The following RHOBTB3 variants were observed in gnomAD, a reference collection of about 807,000 sequenced individuals.
RHOBTB3 encodes rho-related BTB domain-containing protein 3.
RHOBTB3 carries 47 observed loss-of-function variants against 67.2 expected under a neutral mutation model. The ratio of observed to expected loss-of-function variants is 0.70; its 90% CI spans 0.55 to 0.89. The LOEUF (loss-of-function observed/expected upper bound fraction) is 0.89, where lower values mean the gene tolerates loss of function less well. Among genes scored for constraint, RHOBTB3 ranks in the 40% least tolerant of loss-of-function variants. RHOBTB3 has a pLI of 0.00. For missense variants in RHOBTB3, 631 were observed against 750.0 expected, an observed-to-expected ratio of 0.84 and a Z score of 1.85; for synonymous variants, 273 against 274.2, an observed-to-expected ratio of 1.00 and a Z score of 0.04.
chr5:95,755,887 A>G (rs1379331695), intron 6 of RHOBTB3, 126 bp downstream of exon 6: 3 of 863,350 alleles, frequency 3.5e-6, no homozygotes, highest in Non-Finnish European at 5.3e-6. Context: ...GATTAAGATT[A>G]TACATGAAAT....
chr5:95,723,798 T>C (rs1754968000), intron 1 of RHOBTB3, among the ~76,000 whole-genome samples: 2 of 152,144 alleles, frequency 1.3e-5, no homozygotes. Context: ...AGTCCCAGCT[T>C]CACTGTGCTG....
intron 3 of RHOBTB3, among the ~76,000 whole-genome samples, chr5:95,746,531 TAGAAAA>T (rs1354645619): frequency 6.6e-6 from 1 of 152,172 alleles, no homozygotes; most frequent in Non-Finnish European, 1.5e-5. Flanking sequence ...AAAATGATCT[TAGAAAA>T]AGTAAAAGTA....
intron 4 of RHOBTB3, among the ~76,000 whole-genome samples, chr5:95,748,971 T>C (rs1048316638): frequency 6.6e-6 from 1 of 152,212 alleles, no homozygotes; most frequent in African/African-American, 2.4e-5. Flanking sequence ...GAACTACTTA[T>C]ATAAATAGCT....
Position 95,793,359 on chromosome 5 carries a change from A to G in RHOBTB3, c.*185A>G, listed in dbSNP as rs754880480. 1 of 453,988 alleles carries G rather than the reference A, an allele frequency of 2.2e-6. No individual in the cohort carries two copies. The highest frequency in any genetic ancestry group is 3.9e-6 in the Non-Finnish European group (1 of 257,180). 28.1% of individuals were successfully genotyped at this position (453,988 alleles called of 1,614,324 possible). On this transcript the variant is annotated 3_prime_UTR_variant, in exon 12 of 12. Coordinates refer to ENST00000379982, the MANE Select transcript of RHOBTB3 (RefSeq NM_014899.4). ...CTGTGGTCTTAAAAGGGAACAAAAT[A>G]TACCATAGGCTAAAACTAAGGCTTT...
chr5:95,735,438 C>A (rs1466310965), intron 2 of RHOBTB3, among the ~76,000 whole-genome samples: 1 of 152,136 alleles, frequency 6.6e-6, no homozygotes, highest in Admixed American at 6.5e-5. Context: ...AAGAAGCTCT[C>A]TCTTCAGAAG....
At position 95,794,149 on chromosome 5, in the gene RHOBTB3, ATGTGT is replaced by A. The variant is rs1746502484; in HGVS notation, c.*984_*988del. 4.8e-6 allele frequency: 2 copies of A among 419,212 alleles called. No individual in the cohort carries two copies. Among genetic ancestry groups the A allele is most frequent in the Non-Finnish European group, 9.4e-6 (2 of 213,446 alleles). 26.0% of individuals were successfully genotyped at this position (419,212 alleles called of 1,614,324 possible). On this transcript the variant is annotated 3_prime_UTR_variant, in exon 12 of 12. Transcript: ENST00000379982. ...TGCCACCTTGGCTGGCAAGGGAGAA[ATGTGT>A]TGTGTTGTCTTAGCTTTAAAACAGT...
At chr5:95,731,765 T>G (rs79910711) in intron 1 of RHOBTB3, 81 bp downstream of exon 1, 2 of 1,606,396 alleles carry the variant, frequency 1.2e-6, no homozygotes, top group East Asian at 4.5e-5. Context: ...GTGCCCATCC[T>G]CGCCGCGCGC....
chr5:95,731,668 CTTG>C lies in RHOBTB3; in HGVS notation c.-14_-12del, dbSNP rs1561436777. On this transcript the variant is annotated 5_prime_UTR_variant, in exon 1 of 12. Transcript: ENST00000379982. ...CTTTTCTCCGAGTCGCCGCCCTGCC[CTTG>C]GATTTGAGATCATGTACGTACGCGC... The C allele has an allele frequency of 2.5e-6, 4 of 1,613,354 alleles. No individual in the cohort carries two copies. Among genetic ancestry groups the C allele is most frequent in the Non-Finnish European group, 3.4e-6 (4 of 1,179,766 alleles).
chr5:95,790,147 C>T (rs1021956754), intron 11 of RHOBTB3, among the ~76,000 whole-genome samples: 11 of 152,156 alleles, frequency 7.2e-5, no homozygotes, highest in African/African-American at 2.7e-4. Flanking sequence ...ACTATTAGTA[C>T]AGTAGAGAAG....
At chr5:95,751,221 A>G (rs1158009782) in intron 4 of RHOBTB3, 1 of 152,206 alleles carries the variant, frequency 6.6e-6, no homozygotes, top group Non-Finnish European at 1.5e-5. Context: ...GAACATCTGT[A>G]GACATAGAGG....
intron 3 of RHOBTB3, among the ~76,000 whole-genome samples, chr5:95,747,663 C>T (rs183983229): frequency 6.5e-4 from 99 of 152,316 alleles, no homozygotes; most frequent in Non-Finnish European, 1.2e-3. Flanking sequence ...TTGGGACTTT[C>T]ACTTTTTGAG....
At chr5:95,775,910 T>A (rs1310270276) in intron 8 of RHOBTB3, among the ~76,000 whole-genome samples, 1 of 152,154 alleles carries the variant, frequency 6.6e-6, no homozygotes, top group Non-Finnish European at 1.5e-5. Flanking sequence ...AATTATAAAC[T>A]TTTTTTAAGT....
chr5:95,743,768 T>C (rs1237419281), intron 3 of RHOBTB3, among the ~76,000 whole-genome samples: 2 of 141,326 alleles, frequency 1.4e-5, no homozygotes, highest in Middle Eastern at 4.1e-3. Flanking sequence ...TGGAGTGCAG[T>C]GGCACAGTCT....
At chr5:95,777,852 C>T (rs912493814) in intron 8 of RHOBTB3, among the ~76,000 whole-genome samples, 4 of 152,196 alleles carry the variant, frequency 2.6e-5, no homozygotes, top group African/African-American at 9.6e-5. Flanking sequence ...TGCAGTGGCT[C>T]ACGCCTGTAA....
intron 8 of RHOBTB3, among the ~76,000 whole-genome samples, chr5:95,779,136 T>G (rs1179787941): frequency 6.6e-6 from 1 of 152,240 alleles, no homozygotes; most frequent in African/African-American, 2.4e-5. Context: ...TAGAGAAGAC[T>G]ATATATCCCT....
chr5:95,763,730 T>C (rs182853522), intron 7 of RHOBTB3, 110 bp downstream of exon 7: 1 of 625,350 alleles, frequency 1.6e-6, no homozygotes, highest in East Asian at 2.8e-5. Context: ...TGTATAAATG[T>C]AAATGTTTTC....
At chr5:95,771,665 TAAA>T (rs1745718537) in intron 8 of RHOBTB3, among the ~76,000 whole-genome samples, 1 of 152,230 alleles carries the variant, frequency 6.6e-6, no homozygotes, top group Non-Finnish European at 1.5e-5. Context: ...AGTGTCTATC[TAAA>T]GACAACTTTC....
At chr5:95,792,874 A>T (rs983189662) in intron 11 of RHOBTB3, among the ~76,000 whole-genome samples, 185 bp from the exon 12 acceptor site, 1 of 152,222 alleles carries the variant, frequency 6.6e-6, no homozygotes, top group Admixed American at 6.5e-5. Context: ...AAGTCACATA[A>T]TAACTTAAAT....
intron 6 of RHOBTB3, among the ~76,000 whole-genome samples, chr5:95,757,157 A>G (rs1020219340): frequency 6.6e-6 from 1 of 151,448 alleles, no homozygotes; most frequent in Admixed American, 6.6e-5. Flanking sequence ...CTTATCAAGT[A>G]TTTTTCTCTT....
Sources: gnomAD v4.1 joint callset for allele counts (sites outside exome capture counted in the v4.1 genomes callset) on GRCh38, gnomAD v4.1.1 for gene constraint, MANE v1.5 for transcripts, NCBI Gene and HGNC (gene_info 2026-07-23, HGNC 2026-07-21) for gene names.